The following KSR2 variants were observed in gnomAD, a reference collection of about 807,000 sequenced individuals.
KSR2 encodes kinase suppressor of ras 2.
Under a neutral mutation model 107.8 loss-of-function variants are expected in KSR2, and 25 were observed. The ratio of observed to expected loss-of-function variants is 0.23; its 90% confidence interval spans 0.17 to 0.32. KSR2 has a LOEUF of 0.32. Ranked by LOEUF, KSR2 falls within the 10% of genes least tolerant of loss-of-function variation. The pLI is 1.00. For missense variants in KSR2, 887 were observed against 1,268.9 expected (o/e 0.70, Z 4.57); for synonymous variants, 480 against 507.0 (o/e 0.95, Z 0.71).
intron 4 of KSR2, among the ~76,000 whole-genome samples, chr12:117,697,172 G>A (rs571658181): frequency 3.9e-5 from 6 of 152,334 alleles, no homozygotes; most frequent in African/African-American, 1.4e-4. Context: ...AGGAAGGACA[G>A]CGTCCCTAAA....
rs1283123079 is a variant in KSR2 at position 117,531,028 on chromosome 12, T to C, written c.1730-15A>G. ...CGGCACCACATCTGAAAACCAGAGA[T>C]TGAACACTCAGAAAAAAAATGTGAA... On this transcript the variant is annotated splice_polypyrimidine_tract_variant and intron_variant, in intron 11 of 19. Transcript: ENST00000339824. 3.1e-6 allele frequency: 5 copies of C among 1,611,512 alleles called. No homozygotes were observed. Among genetic ancestry groups the C allele is most frequent in the African/African-American group, 1.3e-5 (1 of 74,846 alleles).
At chr12:117,551,642 A>T (rs910665832) in intron 9 of KSR2, among the ~76,000 whole-genome samples, 1 of 152,130 alleles carries the variant, frequency 6.6e-6, no homozygotes, top group Non-Finnish European at 1.5e-5. Context: ...AGGAGACAAG[A>T]CAAAGAGCAG....
At chr12:117,775,100 A>G (rs1389467367) in intron 3 of KSR2, among the ~76,000 whole-genome samples, 1 of 152,206 alleles carries the variant, frequency 6.6e-6, no homozygotes, top group Admixed American at 6.5e-5. Flanking sequence ...AAGTGTGCAT[A>G]GTGCTGCTAT....
intron 5 of KSR2, among the ~76,000 whole-genome samples, chr12:117,661,857 T>A (rs1428305783): frequency 2.0e-5 from 3 of 152,230 alleles, no homozygotes; most frequent in African/African-American, 4.8e-5. Context: ...GTTAAGCTGG[T>A]TGCTTCTGGG....
chr12:117,632,254 TCA>T lies in KSR2; in HGVS notation c.1171+35218_1171+35219del, dbSNP rs545553018. ...TTTTTTTTTTTTTTGAGATGATATCTCACACTGTCACCTGGGTTGGAGTGCAG... is the reference window on the plus strand; with the variant it reads ...TTTTTTTTTTTTTTGAGATGATATCTCACTGTCACCTGGGTTGGAGTGCAG... On this transcript the variant is annotated intron_variant, in intron 5 of 19. Transcript: ENST00000339824. Among the ~76,000 whole-genome samples, 407 of 124,810 alleles carry T rather than the reference TCA, an allele frequency of 3.3e-3. 1 individual carries two copies. The highest frequency in any genetic ancestry group is 4.8e-3 in the Middle Eastern group (1 of 208). The allele number at this position is 124,810 out of a possible 152,430, so 81.9% of individuals were successfully genotyped here. A position where few individuals can be genotyped will look rare whatever the true frequency, so the allele number is the denominator to read the frequency against.
rs540265864 is a variant in KSR2 at position 117,920,285 on chromosome 12, G to A, written c.180+47791C>T. ...AGCTAATTTTTCTATTTTTTGTAGA[G>A]ATGAGTGTCTCACTATGTTGCCCAG... On this transcript the variant is annotated intron_variant, in intron 1 of 19. Transcript: ENST00000339824. Among the ~76,000 whole-genome samples the A allele has an allele frequency of 2.0e-5, 3 of 152,108 alleles. No homozygotes were observed. The South Asian group carries it at 6.2e-4, about 32-fold the overall frequency.
chr12:117,793,929 CCATGCACACATACA>C (rs1890434711), intron 3 of KSR2, among the ~76,000 whole-genome samples: 1 of 134,898 alleles, frequency 7.4e-6, no homozygotes, highest in African/African-American at 2.9e-5. Flanking sequence ...TGCACACACA[CCATGCACACATACA>C]CCAACATGCG....
chr12:117,734,757 G>GATGGATGGATGC (rs1348350134), intron 4 of KSR2, among the ~76,000 whole-genome samples: 1 of 151,890 alleles, frequency 6.6e-6, no homozygotes, highest in Non-Finnish European at 1.5e-5. Flanking sequence ...TGCATGCATG[G>GATGGATGGATGC]ATGGATGGAT....
At chr12:117,876,204 C>T (rs1317127893) in intron 1 of KSR2, among the ~76,000 whole-genome samples, 1 of 152,228 alleles carries the variant, frequency 6.6e-6, no homozygotes, top group African/African-American at 2.4e-5. Context: ...TCATAACATC[C>T]CTGGCGCTTG....
At chr12:117,762,881 A>AAT (rs1482181999) in intron 3 of KSR2, among the ~76,000 whole-genome samples, 1 of 151,244 alleles carries the variant, frequency 6.6e-6, no homozygotes, top group East Asian at 1.9e-4. Flanking sequence ...AAAAAAAAAA[A>AAT]CCTTTTTTTT....
intron 14 of KSR2, among the ~76,000 whole-genome samples, chr12:117,509,344 G>A (rs969308825): frequency 2.6e-5 from 4 of 152,094 alleles, no homozygotes; most frequent in African/African-American, 9.7e-5. Flanking sequence ...ACAGCACCGT[G>A]TTTTCCCCTC....
intron 4 of KSR2, among the ~76,000 whole-genome samples, chr12:117,750,300 T>C (rs1223078296): frequency 6.9e-6 from 1 of 145,854 alleles, no homozygotes; most frequent in Non-Finnish European, 1.5e-5. Context: ...GTAATAATAA[T>C]ACTTAATGAA....
intron 9 of KSR2, among the ~76,000 whole-genome samples, chr12:117,547,343 A>G (rs930193536): frequency 6.6e-6 from 1 of 152,216 alleles, no homozygotes. Flanking sequence ...AATGCCAAAA[A>G]GCAGGGAGCA....
At chr12:117,882,813 T>A (rs564424282) in intron 1 of KSR2, among the ~76,000 whole-genome samples, 1 of 148,568 alleles carries the variant, frequency 6.7e-6, no homozygotes, top group Admixed American at 6.7e-5. Flanking sequence ...ATTCACTTAT[T>A]CATCCATCCA....
At chr12:117,676,083 A>G (rs1458504524) in intron 4 of KSR2, among the ~76,000 whole-genome samples, 1 of 152,236 alleles carries the variant, frequency 6.6e-6, no homozygotes, top group East Asian at 1.9e-4. Context: ...GTTCTGGGGC[A>G]GCAGAGCTTA....
intron 3 of KSR2, among the ~76,000 whole-genome samples, chr12:117,819,366 C>G (rs1276185273): frequency 6.6e-6 from 1 of 152,210 alleles, no homozygotes; most frequent in East Asian, 1.9e-4. Context: ...GAGGGCATGC[C>G]CTAGAGGGCG....
At chr12:117,816,237 G>A (rs895472) in intron 3 of KSR2, among the ~76,000 whole-genome samples, 20,830 of 151,998 alleles carry the variant, frequency 0.14, 1,695 homozygotes, top group Admixed American at 0.27. Flanking sequence ...CACTGTTGGA[G>A]CCCAACCACC....
intron 1 of KSR2, among the ~76,000 whole-genome samples, chr12:117,880,771 G>A (rs187251104): frequency 8.6e-4 from 117 of 136,248 alleles, no homozygotes; most frequent in African/African-American, 2.8e-3. Flanking sequence ...AGGTTCAAGC[G>A]ATTCTCCCAC....
intron 13 of KSR2, 28 bp downstream of exon 13, chr12:117,527,043 T>C (rs368630752): frequency 2.5e-6 from 4 of 1,609,886 alleles, no homozygotes; most frequent in Non-Finnish European, 1.7e-6. Flanking sequence ...CCCTGGAAAA[T>C]GTCGCTTCAC....
Sources: gnomAD v4.1 joint callset for allele counts (sites outside exome capture counted in the v4.1 genomes callset) on GRCh38, gnomAD v4.1.1 for gene constraint, MANE v1.5 for transcripts, NCBI Gene and HGNC (gene_info 2026-07-23, HGNC 2026-07-21) for gene names.